The following STXBP5 variants were observed in gnomAD, a reference collection of about 807,000 sequenced individuals.
STXBP5 encodes syntaxin-binding protein 5.
Under a neutral mutation model 152.4 loss-of-function variants are expected in STXBP5, and 50 were observed. The observed-to-expected ratio is 0.33, with a 90% CI of 0.26 to 0.42. The LOEUF (loss-of-function observed/expected upper bound fraction) is 0.42, where lower values mean the gene tolerates loss of function less well. STXBP5 is among the 10% of genes least tolerant of loss of function. The pLI, the probability that STXBP5 is intolerant of heterozygous loss-of-function variation, is 1.00. For synonymous variants in STXBP5, 492 were observed against 494.7 expected (o/e 0.99, Z 0.07); for missense variants, 1,167 against 1,388.6 (o/e 0.84, Z 2.54).
intron 18 of STXBP5, among the ~76,000 whole-genome samples, chr6:147,329,021 G>A (rs551346173): frequency 2.0e-5 from 3 of 151,922 alleles, no homozygotes; most frequent in Non-Finnish European, 2.9e-5. Context: ...TATCATGATA[G>A]AGAAGAAATA....
At chr6:147,242,264 A>G (rs1350877483) in intron 4 of STXBP5, among the ~76,000 whole-genome samples, 2 of 152,132 alleles carry the variant, frequency 1.3e-5, no homozygotes, top group Admixed American at 1.3e-4. Flanking sequence ...AAAATTATAT[A>G]GTTTTACATT....
chr6:147,246,159 G>C (rs1778799877), intron 4 of STXBP5, among the ~76,000 whole-genome samples: 1 of 152,190 alleles, frequency 6.6e-6, no homozygotes, highest in Non-Finnish European at 1.5e-5. Flanking sequence ...ATAAGTTGCA[G>C]TATCAGAATA....
At position 147,353,333 on chromosome 6, in the gene STXBP5, A is replaced by C. The variant is rs1453375314; in HGVS notation, c.2265A>C (p.Ser755=). 3 of 1,581,352 alleles carry C rather than the reference A, an allele frequency of 1.9e-6. No homozygotes were observed. Among genetic ancestry groups the C allele is most frequent in the African/African-American group, 1.4e-5 (1 of 73,540 alleles). ...KMVANDIAKM[S]RKLSLPTDLK... ...TCTTTTATTTTTCAGCAAAGATGTC[A>C]AGGAAGTTAAGCTTACCTACTGACC... The change falls in exon 22 of 28, where the codon TCA becomes TCC. Residue 755 remains serine (S), a synonymous_variant. Transcript: ENST00000321680.
intron 26 of STXBP5, among the ~76,000 whole-genome samples, chr6:147,377,432 A>C (rs867193816): frequency 6.6e-6 from 1 of 152,222 alleles, no homozygotes; most frequent in African/African-American, 2.4e-5. Flanking sequence ...GTATTAATGA[A>C]ATAGTAAAAT....
intron 2 of STXBP5, among the ~76,000 whole-genome samples, chr6:147,209,996 T>G (rs565020103): frequency 1.3e-5 from 2 of 152,202 alleles, no homozygotes; most frequent in Non-Finnish European, 2.9e-5. Flanking sequence ...ATCATAGTTA[T>G]GTAATAGGAG....
At chr6:147,366,960 T>G (rs1036594783) in intron 25 of STXBP5, among the ~76,000 whole-genome samples, 2 of 152,252 alleles carry the variant, frequency 1.3e-5, no homozygotes, top group Non-Finnish European at 2.9e-5. Flanking sequence ...TTACCAGGCA[T>G]GGAAAGAGAC....
At chr6:147,329,109 T>C (rs1310290213) in intron 18 of STXBP5, among the ~76,000 whole-genome samples, 1 of 151,816 alleles carries the variant, frequency 6.6e-6, no homozygotes, top group Non-Finnish European at 1.5e-5. Context: ...ACCCCTTTTC[T>C]CCATTATACC....
At chr6:147,322,805 C>T (rs924040033) in intron 16 of STXBP5, among the ~76,000 whole-genome samples, 1 of 152,166 alleles carries the variant, frequency 6.6e-6, no homozygotes, top group African/African-American at 2.4e-5. Context: ...AAAAATGTGC[C>T]TTTCAAGTAC....
chr6:147,268,220 T>C (rs375797367), intron 7 of STXBP5, among the ~76,000 whole-genome samples: 4 of 152,320 alleles, frequency 2.6e-5, no homozygotes, highest in East Asian at 3.9e-4. Flanking sequence ...TCCTCCCTAC[T>C]AATCTGTATA....
intron 9 of STXBP5, 59 bp downstream of exon 9, chr6:147,291,231 G>A (rs1405622586): frequency 1.5e-6 from 2 of 1,354,546 alleles, no homozygotes; most frequent in Non-Finnish European, 2.1e-6. Flanking sequence ...TAGCATGGAA[G>A]GCTATTTTAT....
intron 14 of STXBP5, among the ~76,000 whole-genome samples, chr6:147,314,911 AATGTGTTCC>A (rs1190393668): frequency 6.6e-5 from 10 of 152,260 alleles, no homozygotes; most frequent in African/African-American, 2.4e-4. Flanking sequence ...GGGAAGTGGG[AATGTGTTCC>A]AAATCAACAG....
chr6:147,306,608 C>G (rs1782107702), intron 9 of STXBP5, among the ~76,000 whole-genome samples: 1 of 152,142 alleles, frequency 6.6e-6, no homozygotes, highest in South Asian at 2.1e-4. Context: ...GTCCTTTCAC[C>G]CATTATCATG....
At chr6:147,255,501 T>TTTGTTG (rs138694030) in intron 4 of STXBP5, among the ~76,000 whole-genome samples, 5,671 of 151,124 alleles carry the variant, frequency 0.038, 164 homozygotes, top group Admixed American at 0.057. Context: ...TTTGTTCCTT[T>TTTGTTG]TTGTTGTTGT....
chr6:147,348,788 C>T (rs987440987), intron 21 of STXBP5, among the ~76,000 whole-genome samples: 4 of 152,088 alleles, frequency 2.6e-5, no homozygotes, highest in African/African-American at 9.7e-5. Flanking sequence ...CTAACTGATT[C>T]ATAAGTGTTC....
chr6:147,287,130 C>A (rs1057066822), intron 8 of STXBP5, among the ~76,000 whole-genome samples: 16 of 149,598 alleles, frequency 1.1e-4, no homozygotes, highest in Admixed American at 9.4e-4. Flanking sequence ...GTATTAATCC[C>A]CTCAAACATT....
chr6:147,349,028 AAC>A (rs1784470366), intron 21 of STXBP5, among the ~76,000 whole-genome samples: 1 of 152,146 alleles, frequency 6.6e-6, no homozygotes, highest in African/African-American at 2.4e-5. Flanking sequence ...TTGCTATGAA[AAC>A]ACATAATTCA....
At chr6:147,257,565 A>T (rs1274032647) in intron 4 of STXBP5, among the ~76,000 whole-genome samples, 2 of 152,170 alleles carry the variant, frequency 1.3e-5, no homozygotes, top group Admixed American at 6.5e-5. Flanking sequence ...ATCATTAATG[A>T]TCTATATCAC....
intron 8 of STXBP5, among the ~76,000 whole-genome samples, chr6:147,279,030 A>C (rs1780576300): frequency 6.6e-6 from 1 of 152,158 alleles, no homozygotes; most frequent in Non-Finnish European, 1.5e-5. Flanking sequence ...TGTACAAACC[A>C]ATTAGGCAGA....
intron 21 of STXBP5, among the ~76,000 whole-genome samples, chr6:147,343,509 G>T (rs1194269282): frequency 6.6e-6 from 1 of 152,122 alleles, no homozygotes; most frequent in Admixed American, 6.5e-5. Context: ...TGTCAGAGAA[G>T]TTAAGTGACA....
Sources: gnomAD v4.1 joint callset for allele counts (sites outside exome capture counted in the v4.1 genomes callset) on GRCh38, gnomAD v4.1.1 for gene constraint, MANE v1.5 for transcripts, NCBI Gene and HGNC (gene_info 2026-07-23, HGNC 2026-07-21) for gene names.